DNM1: variants seen among roughly 807,000 people sequenced by gnomAD.
DNM1 encodes the protein dynamin-1.
A neutral mutation model predicts 104.6 loss-of-function variants in DNM1; 29 were observed. That is an observed-to-expected ratio of 0.28 (90% CI 0.21 to 0.38). The LOEUF is 0.38. Ranked by LOEUF, DNM1 falls within the 10% of genes least tolerant of loss-of-function variation. The pLI, the probability that DNM1 is intolerant of heterozygous loss-of-function variation, is 1.00. For missense variants in DNM1, 640 were observed against 1,189.4 expected (o/e 0.54, Z 6.79); for synonymous variants, 445 against 475.8 (o/e 0.94, Z 0.84).
intron 1 of DNM1, among the ~76,000 whole-genome samples, chr9:128,214,264 G>C (rs1834475887): frequency 6.6e-6 from 1 of 152,126 alleles, no homozygotes; most frequent in African/African-American, 2.4e-5. Context: ...GCCACGATTG[G>C]TTCAGCCATC....
chr9:128,239,782 G>A lies in DNM1; in HGVS notation c.1545+3G>A. 1 of 1,613,552 alleles carries A rather than the reference G, an allele frequency of 6.2e-7. No individual in the cohort carries two copies. Among genetic ancestry groups the A allele is most frequent in the Non-Finnish European group, 8.5e-7 (1 of 1,179,692 alleles). ...AGAAGAAGACTTCAGGGAACCAGGTGAGTGGGGCCCAGCACCCCAGCCCGA... is the reference window on the plus strand; with the variant it reads ...AGAAGAAGACTTCAGGGAACCAGGTAAGTGGGGCCCAGCACCCCAGCCCGA... On this transcript the variant is annotated splice_donor_region_variant and intron_variant, in intron 13 of 21. Transcript: ENST00000372923.
chr9:128,242,089 G>A, intron 14 of DNM1, 143 bp from the exon 15 acceptor site: 1 of 666,642 alleles, frequency 1.5e-6, no homozygotes. Flanking sequence ...AACCAAGGCA[G>A]GTCTGGCCCC....
At position 128,220,765 on chromosome 9, in the gene DNM1, G is replaced by C. The variant is rs541168392; in HGVS notation, c.849+424G>C. Among the ~76,000 whole-genome samples, 13 of 151,782 alleles carry C rather than the reference G, an allele frequency of 8.6e-5. No homozygotes were observed. Among genetic ancestry groups the C allele is most frequent in the East Asian group, 3.9e-4 (2 of 5,148 alleles). On this transcript the variant is annotated intron_variant, in intron 6 of 21. Coordinates refer to ENST00000372923, the MANE Select transcript of DNM1 (RefSeq NM_004408.4). This position sits in a 1 kb window ranked among gnomAD's most constrained non-coding sequence, Gnocchi z 5.2. ...CGCGTGTGTGTGTGTGTGTGTGTGT[G>C]TGTCTGTCTGACTGTCTGTCTGTGT... is the stretch of plus-strand genomic sequence containing the variant.
At position 128,248,449 on chromosome 9, in the gene DNM1, G is replaced by A. The variant is rs1829301782; in HGVS notation, c.1906-134G>A. The A allele has an allele frequency of 2.1e-6, 2 of 973,792 alleles. No individual in the cohort carries two copies. Among genetic ancestry groups the A allele is most frequent in the Non-Finnish European group, 1.5e-6 (1 of 668,766 alleles). The allele number at this position is 973,792 out of a possible 1,614,324, so 60.3% of individuals were successfully genotyped here. A position where few individuals can be genotyped will look rare whatever the true frequency, so the allele number is the denominator to read the frequency against. On this transcript the variant is annotated intron_variant, in intron 18 of 21. Coordinates refer to ENST00000372923, the MANE Select transcript of DNM1 (RefSeq NM_004408.4). The surrounding 1 kb of genome is among the most constrained non-coding windows in gnomAD (Gnocchi z 5.6). ...GAGAGGCACAGGGATGCGGAGCCAG[G>A]TATGTATTCAGGCCAGTCGCTTCTC... is the stretch of plus-strand genomic sequence containing the variant.
chr9:128,254,406 G>A lies in DNM1; in HGVS notation c.2535-248G>A, dbSNP rs906921228. On this transcript the variant is annotated intron_variant, in intron 21 of 21. Coordinates refer to ENST00000372923, the MANE Select transcript of DNM1 (RefSeq NM_004408.4). The surrounding 1 kb of genome is among the most constrained non-coding windows in gnomAD (Gnocchi z 6.1). ...CGTGTGAGAGGCCAGCGTGTGTGGG[G>A]TGGGGAGGGCCGCCACAGCCCCCAG... 7.0e-7 allele frequency: 1 copy of A among 1,428,376 alleles called. No individual in the cohort carries two copies. The allele number at this position is 1,428,376 out of a possible 1,614,324, so 88.5% of individuals were successfully genotyped here. A position where few individuals can be genotyped will look rare whatever the true frequency, so the allele number is the denominator to read the frequency against.
chr9:128,225,836 G>A (rs1234762963), intron 10 of DNM1, among the ~76,000 whole-genome samples: 2 of 151,982 alleles, frequency 1.3e-5, no homozygotes, highest in Non-Finnish European at 2.9e-5. Flanking sequence ...ACCCCGGGTG[G>A]CAAGGGAGGG....
chr9:128,238,139 C>T (rs1836125444), intron 11 of DNM1, among the ~76,000 whole-genome samples: 1 of 152,070 alleles, frequency 6.6e-6, no homozygotes, highest in Admixed American at 6.6e-5. Flanking sequence ...CTGATTTACA[C>T]TTCCATCAAC....
At chr9:128,234,353 C>G (rs929744156) in intron 11 of DNM1, among the ~76,000 whole-genome samples, 1 of 152,266 alleles carries the variant, frequency 6.6e-6, no homozygotes. Flanking sequence ...TGTTGCACAG[C>G]AACATCCATC....
intron 10 of DNM1, among the ~76,000 whole-genome samples, chr9:128,226,566 C>G (rs1835355197): frequency 6.6e-6 from 1 of 152,170 alleles, no homozygotes; most frequent in Admixed American, 6.5e-5. Context: ...AACAGAGTCT[C>G]AGAAAAGAGA....
chr9:128,218,860 C>A lies in DNM1; in HGVS notation c.385+129C>A. The A allele has an allele frequency of 7.3e-7, 1 of 1,373,956 alleles. No individual in the cohort carries two copies. The highest frequency in any genetic ancestry group is 1.4e-5 in the South Asian group (1 of 71,014). 85.1% of individuals were successfully genotyped at this position (1,373,956 alleles called of 1,614,324 possible). The stretch of plus-strand genomic sequence containing the variant: ...CCTCTGCATCATCCTATTCCAAGCT[C>A]CACCCTGCCGTGATTCCGCCCACTT... On this transcript the variant is annotated intron_variant, in intron 3 of 21. Coordinates refer to ENST00000372923, the MANE Select transcript of DNM1 (RefSeq NM_004408.4). This position sits in a 1 kb window ranked among gnomAD's most constrained non-coding sequence, Gnocchi z 4.8.
rs1834928488 is a variant in DNM1, at chr9:128,220,850, GC to G, written c.849+510del. ...CTCCCCCTCTGAGACACTCTCTCTG[GC>G]TCTCTGAGCCTCTATTTCTTTTTTC... On this transcript the variant is annotated intron_variant, in intron 6 of 21. Coordinates refer to ENST00000372923, the MANE Select transcript of DNM1 (RefSeq NM_004408.4). The surrounding 1 kb of genome is among the most constrained non-coding windows in gnomAD (Gnocchi z 5.2). Among the ~76,000 whole-genome samples the G allele has an allele frequency of 6.7e-6, 1 of 148,332 alleles. No homozygotes were observed. The highest frequency in any genetic ancestry group is 1.5e-5 in the Non-Finnish European group (1 of 66,712).
chr9:128,246,327 C>G, intron 15 of DNM1, 67 bp from the exon 16 acceptor site: 1 of 1,117,406 alleles, frequency 8.9e-7, no homozygotes, highest in Non-Finnish European at 1.4e-6. Context: ...CAGGGGGACT[C>G]TTAGAGAGTG....
In DNM1 at chr9:128,220,937, T is replaced by TTTC. The variant is rs1834963134; in HGVS notation, c.849+596_849+597insTTC. Among the ~76,000 whole-genome samples, 1 of 89,428 alleles carries TTTC rather than the reference T, an allele frequency of 1.1e-5. No homozygotes were observed. Among genetic ancestry groups the TTTC allele is most frequent in the Non-Finnish European group, 2.7e-5 (1 of 37,488 alleles). 58.7% of individuals were successfully genotyped at this position (89,428 alleles called of 152,430 possible). Reference sequence around the variant, plus strand: ...TCTTTCTTTCTTTCTTTCTTTCTTTTCTTTTCTTTCTTTCTTTCCTTTCTT... The same window carrying TTTC: ...TCTTTCTTTCTTTCTTTCTTTCTTTTTTCCTTTTCTTTCTTTCTTTCCTTTCTT... On this transcript the variant is annotated intron_variant, in intron 6 of 21. Coordinates refer to ENST00000372923, the MANE Select transcript of DNM1 (RefSeq NM_004408.4). This position sits in a 1 kb window ranked among gnomAD's most constrained non-coding sequence, Gnocchi z 5.2.
intron 13 of DNM1, 89 bp downstream of exon 13, chr9:128,239,868 T>C: frequency 2.6e-6 from 4 of 1,563,092 alleles, no homozygotes; most frequent in Non-Finnish European, 3.5e-6. Context: ...AGGGGAAGGG[T>C]CCCACGGGGG....
At chr9:128,232,518 C>T (rs1181138779) in intron 10 of DNM1, 1 of 155,702 alleles carries the variant, frequency 6.4e-6, no homozygotes, top group Non-Finnish European at 1.4e-5. Context: ...CCCCATCCTC[C>T]TGCCTCTCCC....
Position 128,247,786 on chromosome 9 carries a change from C to A in DNM1, c.1894-138C>A. ...TCTTTTCTCCCCTATTTCACTGTGG[C>A]GATGTCTAGAGTAGCCTGAGAGTTG... On this transcript the variant is annotated intron_variant, in intron 17 of 21. Coordinates refer to ENST00000372923, the MANE Select transcript of DNM1 (RefSeq NM_004408.4). The surrounding 1 kb of genome is among the most constrained non-coding windows in gnomAD (Gnocchi z 5.1). 1 of 1,135,008 alleles carries A rather than the reference C, an allele frequency of 8.8e-7. No individual in the cohort carries two copies. Among genetic ancestry groups the A allele is most frequent in the South Asian group, 1.5e-5 (1 of 67,196 alleles). 70.3% of individuals were successfully genotyped at this position (1,135,008 alleles called of 1,614,324 possible). A position where few individuals can be genotyped will look rare whatever the true frequency, so the allele number is the denominator to read the frequency against.
chr9:128,224,165 G>T lies in DNM1; in HGVS notation c.1197-86G>T. The T allele has an allele frequency of 1.3e-5, 20 of 1,511,068 alleles. No homozygotes were observed. The highest frequency in any genetic ancestry group is 1.7e-5 in the Non-Finnish European group (19 of 1,124,852). 93.6% of individuals were successfully genotyped at this position (1,511,068 alleles called of 1,614,324 possible). The stretch of plus-strand genomic sequence containing the variant: ...TGGAAGGGCCCCTCAGGCAGAGTTC[G>T]TGGGCTTGGGGAGGAGCCTCGGCCT... On this transcript the variant is annotated intron_variant, in intron 9 of 21. Coordinates refer to ENST00000372923, the MANE Select transcript of DNM1 (RefSeq NM_004408.4). This position sits in a 1 kb window ranked among gnomAD's most constrained non-coding sequence, Gnocchi z 4.3.
chr9:128,237,305 A>G (rs1836074732), intron 11 of DNM1, among the ~76,000 whole-genome samples: 1 of 151,214 alleles, frequency 6.6e-6, no homozygotes, highest in Non-Finnish European at 1.5e-5. Context: ...TCAGTTGCCC[A>G]GGCTGGAGTG....
At chr9:128,223,094 A>G (rs1472396532) in intron 9 of DNM1, 1 of 539,336 alleles carries the variant, frequency 1.9e-6, no homozygotes, top group Non-Finnish European at 3.3e-6. Context: ...CCCAGGGCGC[A>G]GGTGGCCGGG....
Sources: allele counts gnomAD v4.1 joint callset (sites outside exome capture counted in the v4.1 genomes callset), GRCh38; gene constraint gnomAD v4.1.1; non-coding constraint Gnocchi (gnomAD v3.1); transcripts MANE v1.5; gene names NCBI Gene and HGNC (gene_info 2026-07-23, HGNC 2026-07-21).